The following SLC24A2 variants were observed in gnomAD, a reference collection of about 807,000 sequenced individuals.
SLC24A2 encodes the protein solute carrier family 24 member 2.
In SLC24A2, 36 loss-of-function variants were observed where a neutral mutation model predicts 62.0. The observed-to-expected ratio is 0.58, with a 90% CI of 0.44 to 0.77. The LOEUF is 0.77. Ranked by LOEUF, SLC24A2 falls within the 30% of genes least tolerant of loss-of-function variation. The pLI is 0.00. For synonymous variants in SLC24A2, 358 were observed against 294.0 expected (o/e 1.22, Z -2.23); for missense variants, 846 against 817.9 (o/e 1.03, Z -0.42).
chr9:20,104,931 G>C, the SLC24A2 span, among the ~76,000 whole-genome samples: 1 of 152,188 alleles, frequency 6.6e-6, no homozygotes, highest in Non-Finnish European at 1.5e-5. Flanking sequence ...AGACCCACCA[G>C]TGTGCTGTAT....
intron 2 of SLC24A2, among the ~76,000 whole-genome samples, chr9:19,625,740 G>C (rs1030045145): frequency 1.4e-4 from 20 of 147,564 alleles, no homozygotes; most frequent in African/African-American, 4.8e-4. Context: ...AGGTTGGAGT[G>C]CAATGGCATG....
At chr9:20,233,155 C>T in the SLC24A2 span, among the ~76,000 whole-genome samples, 16 of 152,126 alleles carry the variant, frequency 1.1e-4, no homozygotes, top group African/African-American at 3.6e-4. Flanking sequence ...ACTATGTGGT[C>T]AATTTTGTAG....
At chr9:20,070,420 AG>A in the SLC24A2 span, among the ~76,000 whole-genome samples, 1 of 152,200 alleles carries the variant, frequency 6.6e-6, no homozygotes, top group Non-Finnish European at 1.5e-5. Flanking sequence ...AAATAAGCTC[AG>A]CTTTGTCTCA....
At chr9:20,165,107 A>T in the SLC24A2 span, among the ~76,000 whole-genome samples, 10 of 152,014 alleles carry the variant, frequency 6.6e-5, no homozygotes, top group East Asian at 5.8e-4. Flanking sequence ...CACATTGTGC[A>T]CATGTACCCT....
chr9:19,780,217 T>C (rs1368691222), intron 2 of SLC24A2, among the ~76,000 whole-genome samples: 1 of 152,186 alleles, frequency 6.6e-6, no homozygotes, highest in Admixed American at 6.5e-5. Context: ...GTAAACATCT[T>C]AATTAACTTT....
chr9:19,808,195 C>T, the SLC24A2 span, among the ~76,000 whole-genome samples: 2 of 151,946 alleles, frequency 1.3e-5, no homozygotes, highest in Non-Finnish European at 2.9e-5. This position sits in a 1 kb window ranked among gnomAD's most constrained non-coding sequence, Gnocchi z 4.1. Flanking sequence ...GGAAGGTGCC[C>T]GAAATAAAAC....
At chr9:19,753,552 T>G (rs1822047197) in intron 2 of SLC24A2, among the ~76,000 whole-genome samples, 1 of 152,240 alleles carries the variant, frequency 6.6e-6, no homozygotes, top group Non-Finnish European at 1.5e-5. Context: ...TGCATTCATT[T>G]CTATTTTTTA....
chr9:19,572,506 GTA>G (rs1419583854), intron 7 of SLC24A2, among the ~76,000 whole-genome samples: 5 of 152,066 alleles, frequency 3.3e-5, no homozygotes, highest in African/African-American at 9.7e-5. Context: ...GCTTGAAAGT[GTA>G]TGGCACATCT....
intron 7 of SLC24A2, among the ~76,000 whole-genome samples, chr9:19,550,757 C>T (rs1184256410): frequency 1.3e-5 from 2 of 151,076 alleles, no homozygotes; most frequent in African/African-American, 4.9e-5. Flanking sequence ...AAAGTAACCA[C>T]AGAAACAATT....
intron 4 of SLC24A2, among the ~76,000 whole-genome samples, chr9:19,601,149 T>C (rs1401014844): frequency 6.6e-6 from 1 of 151,678 alleles, no homozygotes; most frequent in Non-Finnish European, 1.5e-5. Context: ...AGCAACGAGA[T>C]TGTAAAATGC....
the SLC24A2 span, among the ~76,000 whole-genome samples, chr9:20,286,005 T>A: frequency 1.3e-5 from 2 of 152,190 alleles, no homozygotes; most frequent in East Asian, 3.8e-4. Flanking sequence ...CAGACTGTGG[T>A]ATTTTGTTAT....
At chr9:20,119,139 A>G in the SLC24A2 span, among the ~76,000 whole-genome samples, 1 of 152,160 alleles carries the variant, frequency 6.6e-6, no homozygotes, top group African/African-American at 2.4e-5. Context: ...CAACTGTAAG[A>G]TAATTATACT....
chr9:19,844,138 A>G, the SLC24A2 span, among the ~76,000 whole-genome samples: 1 of 152,242 alleles, frequency 6.6e-6, no homozygotes, highest in Non-Finnish European at 1.5e-5. Context: ...TTACATTGCC[A>G]CCAACAGTGT....
intron 2 of SLC24A2, 46 bp from the exon 3 acceptor site, chr9:19,622,345 A>G: frequency 6.4e-7 from 1 of 1,565,728 alleles, no homozygotes; most frequent in Non-Finnish European, 8.8e-7. Context: ...GAAATAAATA[A>G]ATGAAGAATC....
chr9:20,236,409 G>T, the SLC24A2 span, among the ~76,000 whole-genome samples: 5 of 152,318 alleles, frequency 3.3e-5, no homozygotes, highest in East Asian at 5.8e-4. Context: ...AAGAATTGTT[G>T]TGTGAGTGTT....
At chr9:19,865,963 A>G in the SLC24A2 span, among the ~76,000 whole-genome samples, 1 of 152,220 alleles carries the variant, frequency 6.6e-6, no homozygotes, top group African/African-American at 2.4e-5. Flanking sequence ...ACAAGGGAAT[A>G]ACGAGAATAT....
At chr9:19,568,724 G>A (rs1427173744) in intron 7 of SLC24A2, among the ~76,000 whole-genome samples, 1 of 152,154 alleles carries the variant, frequency 6.6e-6, no homozygotes, top group African/African-American at 2.4e-5. Flanking sequence ...CATTGCTCCT[G>A]TATTCATTTA....
intron 4 of SLC24A2, among the ~76,000 whole-genome samples, chr9:19,602,410 G>A (rs1187898938): frequency 6.6e-6 from 1 of 152,160 alleles, no homozygotes; most frequent in African/African-American, 2.4e-5. Context: ...TTATATTGGA[G>A]AAGAAGCAGG....
the SLC24A2 span, among the ~76,000 whole-genome samples, chr9:20,174,736 G>A: frequency 5.3e-5 from 8 of 151,854 alleles, no homozygotes; most frequent in South Asian, 4.2e-4. Flanking sequence ...CAGGGAACAC[G>A]TCTACATTGC....
Sources: gnomAD v4.1 joint callset for allele counts (sites outside exome capture counted in the v4.1 genomes callset) on GRCh38, gnomAD v4.1.1 for gene constraint, Gnocchi (gnomAD v3.1) non-coding constraint, MANE v1.5 for transcripts, NCBI Gene and HGNC (gene_info 2026-07-23, HGNC 2026-07-21) for gene names.